NEK10: variants seen among roughly 807,000 people sequenced by gnomAD.
NEK10 encodes the protein NIMA related kinase 10.
NEK10 carries 122 observed loss-of-function variants against 159.8 expected under a neutral mutation model. That is an observed-to-expected ratio of 0.76 (90% CI 0.66 to 0.89). NEK10 has a LOEUF of 0.89. Ranked by LOEUF, NEK10 falls within the 40% of genes least tolerant of loss-of-function variation. The pLI, the probability that NEK10 is intolerant of heterozygous loss-of-function variation, is 0.00. For synonymous variants in NEK10, 466 were observed against 457.1 expected (o/e 1.02, Z -0.25); for missense variants, 1,342 against 1,323.1 (o/e 1.01, Z -0.22).
intron 23 of NEK10, among the ~76,000 whole-genome samples, chr3:27,209,069 C>T (rs2149085390): frequency 6.6e-6 from 1 of 152,188 alleles, no homozygotes; most frequent in South Asian, 2.1e-4. Context: ...AGCCTGCCTG[C>T]TTTTGGACGG....
chr3:27,225,480 TTGTGCTACA>T (rs1294025279), intron 23 of NEK10, among the ~76,000 whole-genome samples: 7 of 152,338 alleles, frequency 4.6e-5, no homozygotes, highest in South Asian at 2.1e-4. Flanking sequence ...TTAATCCTTA[TTGTGCTACA>T]TTAAAAACCA....
intron 30 of NEK10, chr3:27,162,199 G>C (rs1282972848): frequency 1.5e-5 from 7 of 482,140 alleles, no homozygotes; most frequent in African/African-American, 1.4e-4. Context: ...AGCATCAATA[G>C]GTCAACTGGT....
intron 30 of NEK10, among the ~76,000 whole-genome samples, chr3:27,146,022 A>G (rs1233632714): frequency 4.6e-5 from 7 of 152,144 alleles, no homozygotes; most frequent in Non-Finnish European, 7.4e-5. Flanking sequence ...ATGAAATATT[A>G]TTTCTCTTCT....
rs184938802 is a variant in NEK10, at chr3:27,130,694, A to G, written c.3081+1186T>C. Among the ~76,000 whole-genome samples the G allele has an allele frequency of 5.7e-4, 87 of 152,368 alleles. 1 individual carries two copies. The highest frequency in any genetic ancestry group is 2.1e-3 in the African/African-American group (86 of 41,594). ...TAAGAATAAGAGTTATATGACCTTA[A>G]TAAGAATAAAAAACCAAGCAACATA... On this transcript the variant is annotated intron_variant, in intron 32 of 35. Coordinates refer to ENST00000691995, the MANE Select transcript of NEK10 (RefSeq NM_001394966.1).
intron 30 of NEK10, among the ~76,000 whole-genome samples, chr3:27,156,971 T>C (rs1050820697): frequency 1.7e-5 from 2 of 117,334 alleles, no homozygotes; most frequent in Admixed American, 8.6e-5. Context: ...TATATATATA[T>C]ATATATATGA....
At chr3:27,253,281 A>T (rs1336932202) in intron 23 of NEK10, among the ~76,000 whole-genome samples, 1 of 152,180 alleles carries the variant, frequency 6.6e-6, no homozygotes, top group Non-Finnish European at 1.5e-5. Flanking sequence ...AATCCCATAT[A>T]TGTTCTGTGA....
chr3:27,271,370 GAA>G (rs113020057), intron 22 of NEK10, among the ~76,000 whole-genome samples: 1 of 149,574 alleles, frequency 6.7e-6, no homozygotes, highest in Admixed American at 6.6e-5. Flanking sequence ...TCACTATACA[GAA>G]AAAAAAAAGT....
intron 23 of NEK10, among the ~76,000 whole-genome samples, chr3:27,238,717 G>C (rs980582803): frequency 6.7e-6 from 1 of 150,148 alleles, no homozygotes; most frequent in East Asian, 2.0e-4. Context: ...TACCAGCTTA[G>C]TGTTATTTAT....
At chr3:27,161,984 G>A (rs1318640657) in intron 30 of NEK10, among the ~76,000 whole-genome samples, 1 of 151,042 alleles carries the variant, frequency 6.6e-6, no homozygotes, top group African/African-American at 2.4e-5. Context: ...CAGCCTGGGT[G>A]ACAAAGTGAG....
Position 27,311,033 on chromosome 3 carries a change from G to A in NEK10, c.569-17C>T. The A allele has an allele frequency of 6.5e-7, 1 of 1,544,534 alleles. No individual in the cohort carries two copies. Among genetic ancestry groups the A allele is most frequent in the Middle Eastern group, 1.7e-4 (1 of 5,928 alleles). On this transcript the variant is annotated splice_polypyrimidine_tract_variant and intron_variant, in intron 8 of 35. Transcript: ENST00000691995. ...GAAAAATATCTATAAAGGAAAGAAAGAGCGCAAAGAGGCATCCAGAGATTA... is the reference window on the plus strand; with the variant it reads ...GAAAAATATCTATAAAGGAAAGAAAAAGCGCAAAGAGGCATCCAGAGATTA...
intron 28 of NEK10, among the ~76,000 whole-genome samples, chr3:27,174,145 T>C (rs1947279939): frequency 6.6e-6 from 1 of 152,236 alleles, no homozygotes; most frequent in African/African-American, 2.4e-5. Flanking sequence ...CCATTACTCC[T>C]GTGGTTATTT....
At chr3:27,305,533 A>G (rs2044172480) in intron 11 of NEK10, among the ~76,000 whole-genome samples, 1 of 152,054 alleles carries the variant, frequency 6.6e-6, no homozygotes. Flanking sequence ...TTAAAAAACA[A>G]AAACAAAAAC....
intron 30 of NEK10, among the ~76,000 whole-genome samples, chr3:27,157,441 A>G (rs1030201936): frequency 3.9e-5 from 6 of 152,170 alleles, no homozygotes; most frequent in Non-Finnish European, 7.4e-5. Context: ...GTAATTGCAA[A>G]TGTAGTAGAA....
intron 22 of NEK10, among the ~76,000 whole-genome samples, chr3:27,268,710 T>A (rs1298453093): frequency 6.6e-6 from 1 of 152,224 alleles, no homozygotes; most frequent in Non-Finnish European, 1.5e-5. Flanking sequence ...AAGATTAATG[T>A]TATTTTCATG....
intron 23 of NEK10, among the ~76,000 whole-genome samples, chr3:27,217,443 G>A (rs1452017633): frequency 6.6e-6 from 1 of 152,200 alleles, no homozygotes; most frequent in Non-Finnish European, 1.5e-5. Context: ...GAGGAAGAGA[G>A]AGAGTAGGGA....
At chr3:27,143,594 C>T in intron 30 of NEK10, 2 of 532,040 alleles carry the variant, frequency 3.8e-6, no homozygotes, top group Non-Finnish European at 6.6e-6. Context: ...CTCACAATCC[C>T]AACACATCCT....
chr3:27,207,888 C>A (rs1464241650), intron 23 of NEK10, among the ~76,000 whole-genome samples: 1 of 152,110 alleles, frequency 6.6e-6, no homozygotes, highest in Non-Finnish European at 1.5e-5. Context: ...AAAATTCTGA[C>A]CTGAGGTGAC....
At chr3:27,164,500 CAA>C (rs754880666) in intron 29 of NEK10, among the ~76,000 whole-genome samples, 2 of 152,266 alleles carry the variant, frequency 1.3e-5, no homozygotes, top group East Asian at 3.9e-4. Flanking sequence ...TTTATTTAAT[CAA>C]AAATATCCAA....
At chr3:27,303,719 C>T (rs1467684084) in intron 12 of NEK10, among the ~76,000 whole-genome samples, 3 of 152,158 alleles carry the variant, frequency 2.0e-5, no homozygotes, top group East Asian at 1.9e-4. Context: ...TCTGAATGTT[C>T]CTTAAGAGAA....
Sources: gnomAD v4.1 joint callset for allele counts (sites outside exome capture counted in the v4.1 genomes callset) on GRCh38, gnomAD v4.1.1 for gene constraint, MANE v1.5 for transcripts, NCBI Gene and HGNC (gene_info 2026-07-23, HGNC 2026-07-21) for gene names.